The following CARMIL1 variants were observed in gnomAD, a reference collection of about 807,000 sequenced individuals.
CARMIL1 encodes capping protein regulator and myosin 1 linker 1.
CARMIL1 carries 90 observed loss-of-function variants against 177.1 expected under a neutral mutation model. The observed-to-expected ratio is 0.51, with a 90% CI of 0.43 to 0.61. The LOEUF (loss-of-function observed/expected upper bound fraction) is 0.61. Among genes scored for constraint, CARMIL1 ranks in the 20% least tolerant of loss-of-function variants. CARMIL1 has a pLI of 0.00. For synonymous variants in CARMIL1, 577 were observed against 606.2 expected (o/e 0.95, Z 0.71); for missense variants, 1,380 against 1,667.0 (o/e 0.83, Z 3.00).
intron 2 of CARMIL1, among the ~76,000 whole-genome samples, chr6:25,385,108 G>A (rs141825537): frequency 1.2e-3 from 188 of 152,302 alleles, no homozygotes; most frequent in Middle Eastern, 3.4e-3. Context: ...GTAATGTGGT[G>A]AGCTAAGTGC....
intron 2 of CARMIL1, among the ~76,000 whole-genome samples, chr6:25,366,410 T>C (rs958568873): frequency 7.2e-5 from 11 of 152,060 alleles, no homozygotes; most frequent in African/African-American, 2.2e-4. Flanking sequence ...GTTACCTTTT[T>C]TCTGTGTCTG....
At position 25,286,386 on chromosome 6, in the gene CARMIL1, A is replaced by G. The variant is rs1411097874; in HGVS notation, c.138+1477A>G. Among the ~76,000 whole-genome samples the G allele has an allele frequency of 3.3e-5, 5 of 152,220 alleles. No homozygotes were observed. The East Asian group carries it at 9.6e-4, about 29-fold the overall frequency. ...ACAAGTCGGGATGGTAAAGGCATTGAATGGGAAAACTTGAATGGCTTTTGC... is the reference window on the plus strand; with the variant it reads ...ACAAGTCGGGATGGTAAAGGCATTGGATGGGAAAACTTGAATGGCTTTTGC... On this transcript the variant is annotated intron_variant, in intron 2 of 36. Coordinates refer to ENST00000329474, the MANE Select transcript of CARMIL1 (RefSeq NM_017640.6).
At chr6:25,524,945 AAAAAG>A (rs1296218509) in intron 23 of CARMIL1, among the ~76,000 whole-genome samples, 8 of 152,306 alleles carry the variant, frequency 5.3e-5, no homozygotes, top group Middle Eastern at 3.4e-3. Context: ...GCACAAAGAA[AAAAAG>A]AAAAGAAAAG....
Position 25,420,122 on chromosome 6 carries a change from A to C in CARMIL1, c.147A>C (p.Thr49=), listed in dbSNP as rs41271807. ...DKVENKVLVL[T]SCRAFLVTAR... ...CTGCTTCTGTCTTACAGGTCCTTAC[A>C]TCATGCCGAGCCTTCCTTGTAACAG... Residue 49 remains threonine (T), a synonymous_variant, in exon 3 of 37, where the codon ACA becomes ACC. Transcript: ENST00000329474. 255,502 of 1,611,690 alleles carry C rather than the reference A, an allele frequency of 0.16. 21,191 individuals are homozygous for C. Among genetic ancestry groups the C allele is most frequent in the South Asian group, 0.19 (17,170 of 91,014 alleles).
chr6:25,291,494 A>G (rs1329654165), intron 2 of CARMIL1, among the ~76,000 whole-genome samples: 1 of 152,152 alleles, frequency 6.6e-6, no homozygotes, highest in Non-Finnish European at 1.5e-5. Context: ...ATGCTTTTCT[A>G]GTTTGCCAGT....
At chr6:25,514,473 G>T (rs1343108402) in intron 20 of CARMIL1, among the ~76,000 whole-genome samples, 3 of 151,384 alleles carry the variant, frequency 2.0e-5, no homozygotes, top group African/African-American at 7.3e-5. Context: ...CTTGAATCTG[G>T]GAGGCGGAGG....
At chr6:25,485,888 G>A (rs922253359) in intron 12 of CARMIL1, among the ~76,000 whole-genome samples, 1 of 151,476 alleles carries the variant, frequency 6.6e-6, no homozygotes, top group Non-Finnish European at 1.5e-5. Context: ...TTAAGCTTCT[G>A]GTGAATTTGA....
intron 17 of CARMIL1, among the ~76,000 whole-genome samples, chr6:25,505,633 A>G (rs534028552): frequency 6.6e-6 from 1 of 152,152 alleles, no homozygotes; most frequent in Admixed American, 6.5e-5. Context: ...TTATATTATT[A>G]GTAGAGATGG....
At chr6:25,459,274 T>TTCTTTCTTTCTTTCTTTCTTTC (rs1302680954) in intron 8 of CARMIL1, among the ~76,000 whole-genome samples, 8 of 30,958 alleles carry the variant, frequency 2.6e-4, no homozygotes, top group East Asian at 1.5e-3. Flanking sequence ...TTCTTTTTTT[T>TTCTTTCTTTCTTTCTTTCTTTC]TTTTTTAAGA....
At chr6:25,314,573 C>CACACACATATATATGTATGTATACATTT in intron 2 of CARMIL1, among the ~76,000 whole-genome samples, 1 of 151,796 alleles carries the variant, frequency 6.6e-6, no homozygotes, top group African/African-American at 2.4e-5. Context: ...TGTATACATT[C>CACACACATATATATGTATGTATACATTT]ACACATGCAC....
intron 2 of CARMIL1, among the ~76,000 whole-genome samples, chr6:25,340,856 G>T (rs190779131): frequency 6.9e-6 from 1 of 144,314 alleles, no homozygotes; most frequent in African/African-American, 2.6e-5. Context: ...AGACAGGAAA[G>T]GAGTTAGGAA....
At chr6:25,490,754 A>T (rs2147221) in intron 13 of CARMIL1, among the ~76,000 whole-genome samples, 2,567 of 29,418 alleles carry the variant, frequency 0.087, 48 homozygotes, top group African/African-American at 0.28. Context: ...AATAAATAAA[A>T]AAAAATAAAT....
chr6:25,506,116 A>C (rs184325388), intron 17 of CARMIL1, among the ~76,000 whole-genome samples: 66 of 152,362 alleles, frequency 4.3e-4, no homozygotes, highest in African/African-American at 1.4e-3. Context: ...ACCAACCTTG[A>C]GGCAAGCATC....
intron 29 of CARMIL1, among the ~76,000 whole-genome samples, chr6:25,561,907 GAAAGCAATTGATTA>G (rs1811154840): frequency 6.6e-6 from 1 of 152,120 alleles, no homozygotes; most frequent in Admixed American, 6.5e-5. Flanking sequence ...TTAACTAGTA[GAAAGCAATTGATTA>G]AAACACCTTT....
chr6:25,370,819 AC>A (rs1168371756), intron 2 of CARMIL1, among the ~76,000 whole-genome samples: 1 of 152,096 alleles, frequency 6.6e-6, no homozygotes, highest in Non-Finnish European at 1.5e-5. Context: ...GGTTACACGG[AC>A]AAATTGTATA....
intron 2 of CARMIL1, among the ~76,000 whole-genome samples, chr6:25,339,247 G>A (rs748930393): frequency 2.6e-5 from 4 of 152,172 alleles, no homozygotes; most frequent in Non-Finnish European, 5.9e-5. Flanking sequence ...GTCCTCTTGC[G>A]AAGTCATTTG....
intron 3 of CARMIL1, chr6:25,420,384 C>A (rs1381213177): frequency 5.7e-6 from 3 of 528,538 alleles, no homozygotes; most frequent in Non-Finnish European, 1.0e-5. Context: ...CACCTAAAGG[C>A]TGTAATGAGA....
chr6:25,508,761 AGTTT>A (rs1430008004), intron 17 of CARMIL1, among the ~76,000 whole-genome samples: 15 of 139,378 alleles, frequency 1.1e-4, no homozygotes, highest in Admixed American at 5.1e-4. Flanking sequence ...AAAAAATGAT[AGTTT>A]GTTTTTCCTC....
At chr6:25,310,516 T>C (rs995700846) in intron 2 of CARMIL1, among the ~76,000 whole-genome samples, 19 of 152,242 alleles carry the variant, frequency 1.2e-4, no homozygotes, top group African/African-American at 4.3e-4. Context: ...TATTGTTGCA[T>C]GAAATTTATT....
Sources: gnomAD v4.1 joint callset for allele counts (sites outside exome capture counted in the v4.1 genomes callset) on GRCh38, gnomAD v4.1.1 for gene constraint, MANE v1.5 for transcripts, NCBI Gene and HGNC (gene_info 2026-07-23, HGNC 2026-07-21) for gene names.